Variants in ZDHHC24 observed in about 807,000 individuals in gnomAD.
ZDHHC24 encodes probable palmitoyltransferase ZDHHC24.
A neutral mutation model predicts 23.2 loss-of-function variants in ZDHHC24; 17 were observed. The observed-to-expected ratio is 0.73, with a 90% CI of 0.50 to 1.10. ZDHHC24 has a LOEUF of 1.10. ZDHHC24 is among the 50% of genes least tolerant of loss of function. The probability of loss-of-function intolerance (pLI) is 0.00; values close to 1 mark genes in which losing one functional copy is unlikely to be tolerated. For missense variants in ZDHHC24, 366 were observed against 393.0 expected (o/e 0.93, Z 0.58); for synonymous variants, 186 against 194.5 (o/e 0.96, Z 0.36).
downstream of ZDHHC24, chr11:66,520,908 A>G: frequency 2.9e-6 from 1 of 344,224 alleles, no homozygotes; most frequent in South Asian, 2.4e-5. Flanking sequence ...TGGTAGAGAC[A>G]AAGTTTTGCC....
chr11:66,526,662 C>A lies in ZDHHC24; in HGVS notation c.*21+274G>T, dbSNP rs200577824. ...CCACTTCCCTAGGTGGTGGCCTGAT[C>A]ATCAAGATCCTGAAGCGTACAGCAG... On this transcript the variant is annotated intron_variant, in intron 4 of 4. Coordinates refer to the ZDHHC24 transcript ENST00000526986. 7.2e-5 allele frequency: 117 copies of A among 1,614,202 alleles called. No individual in the cohort carries two copies. The East Asian group carries it at 1.8e-3, about 26-fold the overall frequency.
chr11:66,545,998 C>G lies in ZDHHC24; in HGVS notation c.6G>C (p.Gly2=). M[G]QPWAAGSTDG... ...CCGTGCTCCCAGCCGCCCAGGGCTG[C>G]CCCATGGCCTGGACACCCAGCTGTC... Residue 2 remains glycine, a synonymous_variant, in exon 1 of 3, where the codon GGG becomes GGC. Coordinates refer to ENST00000310442, the MANE Select transcript of ZDHHC24 (RefSeq NM_207340.3). The surrounding 1 kb of genome is among the most constrained non-coding windows in gnomAD (Gnocchi z 4.5). 2.1e-6 allele frequency: 3 copies of G among 1,395,888 alleles called. No homozygotes were observed. The highest frequency in any genetic ancestry group is 2.8e-6 in the Non-Finnish European group (3 of 1,086,492). 86.5% of individuals were successfully genotyped at this position (1,395,888 alleles called of 1,614,324 possible).
At position 66,539,230 on chromosome 11, in the gene ZDHHC24, C is replaced by G. The variant is rs763752026; in HGVS notation, c.*299G>C. ...ACAGCCCCAGCAACAAAGTGAGGGG[C>G]CAGAAACTATGCAAAGATGGAGGGA... On this transcript the variant is annotated 3_prime_UTR_variant, in exon 3 of 3. Coordinates refer to ENST00000310442, the MANE Select transcript of ZDHHC24 (RefSeq NM_207340.3). The G allele has an allele frequency of 1.2e-5, 13 of 1,105,206 alleles. No individual in the cohort carries two copies. The highest frequency in any genetic ancestry group is 1.4e-5 in the Non-Finnish European group (13 of 908,156). 68.5% of individuals were successfully genotyped at this position (1,105,206 alleles called of 1,614,324 possible).
downstream of ZDHHC24, among the ~76,000 whole-genome samples, chr11:66,534,736 C>T (rs962415358): frequency 1.3e-5 from 2 of 152,018 alleles, no homozygotes; most frequent in African/African-American, 4.8e-5. Flanking sequence ...CACTGTGTCG[C>T]CCAGGCTGGA....
At position 66,539,376 on chromosome 11, in the gene ZDHHC24, C is replaced by T. The variant is rs867789350; in HGVS notation, c.*153G>A. The stretch of plus-strand genomic sequence containing the variant: ...TAAGTCACGGCCCAAGCCCTGGACA[C>T]GTAGGAGTGTAGGCGGGCAGGGGCA... On this transcript the variant is annotated 3_prime_UTR_variant, in exon 3 of 3. Transcript: ENST00000310442. The T allele has an allele frequency of 1.1e-5, 15 of 1,367,898 alleles. No homozygotes were observed. In the African/African-American group the frequency reaches 1.3e-4, roughly 12 times the overall value. 84.7% of individuals were successfully genotyped at this position (1,367,898 alleles called of 1,614,324 possible).
chr11:66,537,639 TCCTG>T lies in ZDHHC24; in HGVS notation c.*1886_*1889del. 7.1e-6 allele frequency: 1 copy of T among 140,204 alleles called. No individual in the cohort carries two copies. Among genetic ancestry groups the T allele is most frequent in the Non-Finnish European group, 1.6e-5 (1 of 64,088 alleles). The allele number at this position is 140,204 out of a possible 1,614,324, so 8.7% of individuals were successfully genotyped here. On this transcript the variant is annotated 3_prime_UTR_variant, in exon 3 of 3. Transcript: ENST00000310442. ...TCACGAGGTCAGTAGATCAAGACCA[TCCTG>T]GCCGGCCAGGAGTGGTGGCTCACAC...
intron 4 of ZDHHC24, chr11:66,526,059 C>A: frequency 6.8e-7 from 1 of 1,476,766 alleles, no homozygotes; most frequent in Non-Finnish European, 9.5e-7. Context: ...CTCCCCTACC[C>A]ATCCCCTGTC....
chr11:66,529,316 A>G, exon 3 of ZDHHC24: 2 of 1,536,270 alleles, frequency 1.3e-6, no homozygotes, highest in South Asian at 2.4e-5. Context: ...CAGGACCATG[A>G]GGCTGGTTTC....
chr11:66,530,228 G>A (rs142138706), intron 2 of ZDHHC24, among the ~76,000 whole-genome samples: 159 of 152,278 alleles, frequency 1.0e-3, no homozygotes, highest in Middle Eastern at 3.4e-3. Flanking sequence ...GTCATATTAG[G>A]ACATTTCTTC....
Position 66,539,202 on chromosome 11 carries a change from G to C in ZDHHC24, c.*327C>G, listed in dbSNP as rs1857071448. ...TTTCCAGGCCCTACAGAGGGTCCCA[G>C]AAACAGCCCCAGCAACAAAGTGAGG... is the stretch of plus-strand genomic sequence containing the variant. On this transcript the variant is annotated 3_prime_UTR_variant, in exon 3 of 3. Coordinates refer to ENST00000310442, the MANE Select transcript of ZDHHC24 (RefSeq NM_207340.3). 2 of 1,054,172 alleles carry C rather than the reference G, an allele frequency of 1.9e-6. No individual in the cohort carries two copies. The highest frequency in any genetic ancestry group is 3.4e-5 in the African/African-American group (2 of 59,614). The allele number at this position is 1,054,172 out of a possible 1,614,324, so 65.3% of individuals were successfully genotyped here.
At chr11:66,523,695 C>T (rs778802597) in intron 4 of ZDHHC24, 5 of 1,610,184 alleles carry the variant, frequency 3.1e-6, no homozygotes, top group South Asian at 2.2e-5. Flanking sequence ...GCCCTGAGCC[C>T]TCCACAGACG....
In ZDHHC24 at chr11:66,545,917, C is replaced by T. The variant is rs1235684884; in HGVS notation, c.87G>A (p.Val29=). ...CCAGCACGTAAGCCAGCTCCAGGCC[C>T]ACGGCCGCGGCCCACAGCGCGGTGA... ...LVLTALWAAA[V]GLELAYVLVL... Residue 29 remains valine (V), a synonymous_variant, in exon 1 of 3, where the codon GTG becomes GTA. Transcript: ENST00000310442. The surrounding 1 kb of genome is among the most constrained non-coding windows in gnomAD (Gnocchi z 4.5). The T allele has an allele frequency of 1.2e-5, 18 of 1,523,012 alleles. No homozygotes were observed. The highest frequency in any genetic ancestry group is 1.6e-5 in the Non-Finnish European group (18 of 1,143,888). 94.3% of individuals were successfully genotyped at this position (1,523,012 alleles called of 1,614,324 possible). A position where few individuals can be genotyped will look rare whatever the true frequency, so the allele number is the denominator to read the frequency against.
At chr11:66,522,993 G>C (rs778722936) in intron 4 of ZDHHC24, 74 of 373,044 alleles carry the variant, frequency 2.0e-4, no homozygotes, top group Non-Finnish European at 3.3e-4. Context: ...TCCTCGAATA[G>C]AGAGGAACTA....
intron 2 of ZDHHC24, among the ~76,000 whole-genome samples, chr11:66,541,065 A>C (rs969184363): frequency 2.0e-5 from 3 of 152,258 alleles, no homozygotes; most frequent in African/African-American, 7.2e-5. Context: ...TGGTTGCACT[A>C]CATCATGAAT....
chr11:66,540,623 GA>G (rs1406698227), intron 2 of ZDHHC24, among the ~76,000 whole-genome samples: 1 of 151,782 alleles, frequency 6.6e-6, no homozygotes, highest in Non-Finnish European at 1.5e-5. Flanking sequence ...AGCTACTCAG[GA>G]GGCTGAGGCA....
At chr11:66,525,745 A>G (rs1856462102) in intron 4 of ZDHHC24, among the ~76,000 whole-genome samples, 1 of 152,206 alleles carries the variant, frequency 6.6e-6, no homozygotes, top group South Asian at 2.1e-4. Flanking sequence ...TCAAATGTGG[A>G]AGGCCTTCAG....
downstream of ZDHHC24, chr11:66,530,917 T>C (rs1242062107): frequency 6.2e-7 from 1 of 1,614,202 alleles, no homozygotes; most frequent in African/African-American, 1.3e-5. Flanking sequence ...GCCCCACCTT[T>C]AAGCTCACAC....
intron 4 of ZDHHC24, chr11:66,523,628 AC>A (rs1856346688): frequency 1.2e-6 from 2 of 1,612,884 alleles, no homozygotes; most frequent in African/African-American, 2.7e-5. Context: ...CCTAGCCCCC[AC>A]TTGGCAAGAG....
rs982263535 is a variant in ZDHHC24 at position 66,538,680 on chromosome 11, T to C, written c.*849A>G. Reference sequence around the variant, plus strand: ...GAAAACTGAGACGAACACATGTGTTTAGGCCTGCCATGTGGAAATGGCGGT... The same window carrying C: ...GAAAACTGAGACGAACACATGTGTTCAGGCCTGCCATGTGGAAATGGCGGT... On this transcript the variant is annotated 3_prime_UTR_variant, in exon 3 of 3. Coordinates refer to ENST00000310442, the MANE Select transcript of ZDHHC24 (RefSeq NM_207340.3). 1 of 152,250 alleles carries C rather than the reference T, an allele frequency of 6.6e-6. No individual in the cohort carries two copies. The highest frequency in any genetic ancestry group is 1.9e-4 in the East Asian group (1 of 5,204). The allele number at this position is 152,250 out of a possible 1,614,324, so 9.4% of individuals were successfully genotyped here.
Sources: allele counts gnomAD v4.1 joint callset (sites outside exome capture counted in the v4.1 genomes callset), GRCh38; gene constraint gnomAD v4.1.1; non-coding constraint Gnocchi (gnomAD v3.1); transcripts MANE v1.5; gene names NCBI Gene and HGNC (gene_info 2026-07-23, HGNC 2026-07-21).